KCTD12: variants seen among roughly 807,000 people sequenced by gnomAD.
KCTD12 encodes BTB/POZ domain-containing protein KCTD12.
In KCTD12, 16 loss-of-function variants were observed where a neutral mutation model predicts 22.6. The ratio of observed to expected loss-of-function variants is 0.71; its 90% CI spans 0.48 to 1.07. The LOEUF is 1.07. Ranked by LOEUF, KCTD12 falls within the 50% of genes least tolerant of loss-of-function variation. The probability of loss-of-function intolerance (pLI) is 0.00; values close to 1 mark genes in which losing one functional copy is unlikely to be tolerated. For missense variants in KCTD12, 452 were observed against 469.2 expected (o/e 0.96, Z 0.34); for synonymous variants, 260 against 228.0 (o/e 1.14, Z -1.26).
Position 76,883,387 on chromosome 13 carries a change from G to A in KCTD12, c.*1784C>T, listed in dbSNP as rs2137701438. 1 of 152,714 alleles carries A rather than the reference G, an allele frequency of 6.5e-6. No homozygotes were observed. Among genetic ancestry groups the A allele is most frequent in the East Asian group, 1.9e-4 (1 of 5,186 alleles). The allele number at this position is 152,714 out of a possible 1,614,324, so 9.5% of individuals were successfully genotyped here. On this transcript the variant is annotated 3_prime_UTR_variant, in exon 1 of 1. Coordinates refer to ENST00000377474, the MANE Select transcript of KCTD12 (RefSeq NM_138444.4). Reference sequence around the variant, plus strand: ...AAGATGCTGAAAACAAAACAAAATAGGCTTCTCTGTCATCACAGAATATCC... The same window carrying A: ...AAGATGCTGAAAACAAAACAAAATAAGCTTCTCTGTCATCACAGAATATCC...
In KCTD12 at chr13:76,885,179, T is replaced by G. The variant is rs764990355; in HGVS notation, c.970A>C (p.Arg324=). The G allele has an allele frequency of 1.7e-5, 28 of 1,612,398 alleles. 1 individual carries two copies. In the Admixed American group the frequency reaches 4.0e-4, roughly 23 times the overall value. The change falls in exon 1 of 1, where the codon AGG becomes CGG. Residue 324 remains arginine, a synonymous_variant. Transcript: ENST00000377474. The surrounding 1 kb of genome is among the most constrained non-coding windows in gnomAD (Gnocchi z 5.1). ...WTSYTEYVFC[R]E Reference sequence around the variant, plus strand: ...GAGGGGGTCTGGGGAGCTCACTCCCTGCAGAAGACGTACTCGGTGTAGCTG... The same window carrying G: ...GAGGGGGTCTGGGGAGCTCACTCCCGGCAGAAGACGTACTCGGTGTAGCTG...
At position 76,881,232 on chromosome 13, in the gene KCTD12, TCA is replaced by T. The variant is rs1215138695; in HGVS notation, c.*3937_*3938del. The T allele has an allele frequency of 6.6e-6, 1 of 152,162 alleles. No homozygotes were observed. Among genetic ancestry groups the T allele is most frequent in the Non-Finnish European group, 1.5e-5 (1 of 68,000 alleles). 9.4% of individuals were successfully genotyped at this position (152,162 alleles called of 1,614,324 possible). Reference sequence around the variant, plus strand: ...TCTGATAGGCTTACAACAAAAATATTCAGTTTACTATTTTAAAAACTAAATTG... The same window carrying T: ...TCTGATAGGCTTACAACAAAAATATTGTTTACTATTTTAAAAACTAAATTG... On this transcript the variant is annotated 3_prime_UTR_variant, in exon 1 of 1. Transcript: ENST00000377474.
In KCTD12 at chr13:76,882,314, AAAG is replaced by A. The variant is rs912757141; in HGVS notation, c.*2854_*2856del. 1.3e-5 allele frequency: 2 copies of A among 152,090 alleles called. No homozygotes were observed. The highest frequency in any genetic ancestry group is 2.4e-5 in the African/African-American group (1 of 41,326). 9.4% of individuals were successfully genotyped at this position (152,090 alleles called of 1,614,324 possible). A position where few individuals can be genotyped will look rare whatever the true frequency, so the allele number is the denominator to read the frequency against. ...TTAGAGGGGACAGTCGTCCCTGGAA[AAAG>A]AAGTAGATTTACTGTCCCTAACCAT... On this transcript the variant is annotated 3_prime_UTR_variant, in exon 1 of 1. Coordinates refer to ENST00000377474, the MANE Select transcript of KCTD12 (RefSeq NM_138444.4).
rs1177198443 is a variant in KCTD12, at chr13:76,881,292, A to G, written c.*3879T>C. On this transcript the variant is annotated 3_prime_UTR_variant, in exon 1 of 1. Transcript: ENST00000377474. ...TATTTGTGATTTAGACTATAAAATAAATTCTCAAGGAATTCAACCCCTCCA... is the reference window on the plus strand; with the variant it reads ...TATTTGTGATTTAGACTATAAAATAGATTCTCAAGGAATTCAACCCCTCCA... The G allele has an allele frequency of 6.6e-6, 1 of 152,426 alleles. No homozygotes were observed. The highest frequency in any genetic ancestry group is 1.5e-5 in the Non-Finnish European group (1 of 67,972). The allele number at this position is 152,426 out of a possible 1,614,324, so 9.4% of individuals were successfully genotyped here. A position where few individuals can be genotyped will look rare whatever the true frequency, so the allele number is the denominator to read the frequency against.
chr13:76,882,750 AC>A lies in KCTD12; in HGVS notation c.*2420del, dbSNP rs2033217748. ...ATTCTGATGCATTACTTAGTCTGAG[AC>A]CAAACTCAACATACAAGCAAGCACA... is the stretch of plus-strand genomic sequence containing the variant. On this transcript the variant is annotated 3_prime_UTR_variant, in exon 1 of 1. Transcript: ENST00000377474. The A allele has an allele frequency of 1.4e-5, 2 of 146,394 alleles. No individual in the cohort carries two copies. Among genetic ancestry groups the A allele is most frequent in the African/African-American group, 5.4e-5 (2 of 36,958 alleles). The allele number at this position is 146,394 out of a possible 1,614,324, so 9.1% of individuals were successfully genotyped here. A position where few individuals can be genotyped will look rare whatever the true frequency, so the allele number is the denominator to read the frequency against.
Position 76,886,157 on chromosome 13 carries a change from G to T in KCTD12, c.-9C>A. On this transcript the variant is annotated 5_prime_UTR_variant, in exon 1 of 1. Transcript: ENST00000377474. ...CTGTCCGCCAGAGCCATGACAGAGA[G>T]GTGGCCGGGCCGGGACAGTGGCAGG... 1 of 1,486,520 alleles carries T rather than the reference G, an allele frequency of 6.7e-7. No homozygotes were observed. The allele number at this position is 1,486,520 out of a possible 1,614,324, so 92.1% of individuals were successfully genotyped here. A position where few individuals can be genotyped will look rare whatever the true frequency, so the allele number is the denominator to read the frequency against.
chr13:76,881,584 C>A lies in KCTD12; in HGVS notation c.*3587G>T, dbSNP rs2033203329. On this transcript the variant is annotated 3_prime_UTR_variant, in exon 1 of 1. Coordinates refer to ENST00000377474, the MANE Select transcript of KCTD12 (RefSeq NM_138444.4). ...AGAGAAGCAGTAGGTCCCATATATA[C>A]AGACATATATATGGCTCTGGTTTGA... 6.6e-6 allele frequency: 1 copy of A among 152,472 alleles called. No individual in the cohort carries two copies. The highest frequency in any genetic ancestry group is 1.5e-5 in the Non-Finnish European group (1 of 67,986). The allele number at this position is 152,472 out of a possible 1,614,324, so 9.4% of individuals were successfully genotyped here. A position where few individuals can be genotyped will look rare whatever the true frequency, so the allele number is the denominator to read the frequency against.
rs761828476 is a variant in KCTD12, at chr13:76,885,438, G to C, written c.711C>G (p.Thr237=). The part of the protein sequence containing the change: ...DAKFRRVARI[T]VCGKTSLAKE... ...TGGCCAGCGACGTCTTTCCGCAAAC[G>C]GTGATGCGCGCCACTCGCCGGAACT... The change falls in exon 1 of 1, where the codon ACC becomes ACG. Residue 237 remains threonine (T), a synonymous_variant. Transcript: ENST00000377474. The surrounding 1 kb of genome is among the most constrained non-coding windows in gnomAD (Gnocchi z 5.1). The C allele has an allele frequency of 1.2e-6, 2 of 1,612,220 alleles. No individual in the cohort carries two copies. Among genetic ancestry groups the C allele is most frequent in the Non-Finnish European group, 1.7e-6 (2 of 1,180,006 alleles).
Position 76,885,398 on chromosome 13 carries a change from C to G in KCTD12, c.751G>C (p.Asp251His). ...KTSLAKEVFGDTLNESRDPDR... is the reference protein window; with the variant it reads ...KTSLAKEVFGHTLNESRDPDR... Reference sequence around the variant, plus strand: ...GGGTCCCGGCTTTCGTTCAGGGTGTCCCCAAACACCTCCTTGGCCAGCGAC... The same window carrying G: ...GGGTCCCGGCTTTCGTTCAGGGTGTGCCCAAACACCTCCTTGGCCAGCGAC... Residue 251 changes from aspartate (D) to histidine (H), a missense_variant, in exon 1 of 1, where the codon GAC becomes CAC. Physicochemically the swap from Asp to His is moderately conservative, Grantham distance 81. Around this residue, in one of 2 missense-constraint regions of KCTD12, gnomAD observed 122 missense variants for 172.8 expected, o/e 0.71. Transcript: ENST00000377474. This position sits in a 1 kb window ranked among gnomAD's most constrained non-coding sequence, Gnocchi z 5.1. The G allele has an allele frequency of 2.5e-6, 4 of 1,613,706 alleles. No individual in the cohort carries two copies. Among genetic ancestry groups the G allele is most frequent in the Non-Finnish European group, 3.4e-6 (4 of 1,180,026 alleles).
In KCTD12 at chr13:76,883,464, T is replaced by G. The variant is rs529854695; in HGVS notation, c.*1707A>C. The stretch of plus-strand genomic sequence containing the variant: ...GACGAGGTTTATTTCCCTTCACTTA[T>G]GGTTTACATAGGATATGCATTGGGA... On this transcript the variant is annotated 3_prime_UTR_variant, in exon 1 of 1. Transcript: ENST00000377474. 7 of 152,664 alleles carry G rather than the reference T, an allele frequency of 4.6e-5. No homozygotes were observed. The highest frequency in any genetic ancestry group is 1.7e-4 in the African/African-American group (7 of 41,470). The allele number at this position is 152,664 out of a possible 1,614,324, so 9.5% of individuals were successfully genotyped here. A position where few individuals can be genotyped will look rare whatever the true frequency, so the allele number is the denominator to read the frequency against.
chr13:76,880,694 GAATT>G lies in KCTD12; in HGVS notation c.*4473_*4476del, dbSNP rs1254535701. ...TAACGCTGTTTGAGTGGTCATAAAT[GAATT>G]GTCATTTGTATTCAATAGTAATAGC... On this transcript the variant is annotated 3_prime_UTR_variant, in exon 1 of 1. Transcript: ENST00000377474. 2 of 152,532 alleles carry G rather than the reference GAATT, an allele frequency of 1.3e-5. No individual in the cohort carries two copies. Among genetic ancestry groups the G allele is most frequent in the South Asian group, 2.1e-4 (1 of 4,818 alleles). 9.4% of individuals were successfully genotyped at this position (152,532 alleles called of 1,614,324 possible).
rs923211754 is a variant in KCTD12, at chr13:76,883,318, C to T, written c.*1853G>A. On this transcript the variant is annotated 3_prime_UTR_variant, in exon 1 of 1. Coordinates refer to ENST00000377474, the MANE Select transcript of KCTD12 (RefSeq NM_138444.4). ...AGGAAAAATAGCACTAATTTAAACA[C>T]TGAAAACAGCTCTTACAAAATCCTT... 6.6e-6 allele frequency: 1 copy of T among 152,394 alleles called. No homozygotes were observed. Among genetic ancestry groups the T allele is most frequent in the African/African-American group, 2.4e-5 (1 of 41,566 alleles). 9.4% of individuals were successfully genotyped at this position (152,394 alleles called of 1,614,324 possible).
At position 76,881,962 on chromosome 13, in the gene KCTD12, G is replaced by A. The variant is rs907842949; in HGVS notation, c.*3209C>T. The A allele has an allele frequency of 1.3e-5, 2 of 151,912 alleles. No homozygotes were observed. Among genetic ancestry groups the A allele is most frequent in the African/African-American group, 2.4e-5 (1 of 41,332 alleles). 9.4% of individuals were successfully genotyped at this position (151,912 alleles called of 1,614,324 possible). ...GGTAATTAGGGCAACATATGTAAAT[G>A]CATGCCTCTGAATCAGATTCATGCA... On this transcript the variant is annotated 3_prime_UTR_variant, in exon 1 of 1. Coordinates refer to ENST00000377474, the MANE Select transcript of KCTD12 (RefSeq NM_138444.4).
In KCTD12 at chr13:76,880,372, A is replaced by T. The variant is rs2033189768; in HGVS notation, c.*4799T>A. 6.6e-6 allele frequency: 1 copy of T among 152,546 alleles called. No individual in the cohort carries two copies. The highest frequency in any genetic ancestry group is 2.4e-5 in the African/African-American group (1 of 41,462). The allele number at this position is 152,546 out of a possible 1,614,324, so 9.4% of individuals were successfully genotyped here. On this transcript the variant is annotated 3_prime_UTR_variant, in exon 1 of 1. Coordinates refer to ENST00000377474, the MANE Select transcript of KCTD12 (RefSeq NM_138444.4). Reference sequence around the variant, plus strand: ...AATTCTCAAAGTTTGGGCATGTCTGAAAAGACTTTGACTGCATCTTTTTTC... The same window carrying T: ...AATTCTCAAAGTTTGGGCATGTCTGTAAAGACTTTGACTGCATCTTTTTTC...
Position 76,883,651 on chromosome 13 carries a change from C to T in KCTD12, c.*1520G>A, listed in dbSNP as rs1282736661. On this transcript the variant is annotated 3_prime_UTR_variant, in exon 1 of 1. Coordinates refer to ENST00000377474, the MANE Select transcript of KCTD12 (RefSeq NM_138444.4). Reference sequence around the variant, plus strand: ...TTTACAGCTATCTACAGATAGGCAGCCCTTGGTGCTGAGTTCTCTGCAGCT... The same window carrying T: ...TTTACAGCTATCTACAGATAGGCAGTCCTTGGTGCTGAGTTCTCTGCAGCT... 1 of 152,640 alleles carries T rather than the reference C, an allele frequency of 6.6e-6. No homozygotes were observed. The highest frequency in any genetic ancestry group is 1.5e-5 in the Non-Finnish European group (1 of 68,050). The allele number at this position is 152,640 out of a possible 1,614,324, so 9.5% of individuals were successfully genotyped here.
Position 76,885,196 on chromosome 13 carries a change from G to A in KCTD12, c.953C>T (p.Thr318Ile). Residue 318 changes from threonine (T) to isoleucine (I), a missense_variant, in exon 1 of 1, where the codon ACC becomes ATC. Thr to Ile is a moderately conservative substitution (Grantham distance 89, BLOSUM62 -1). Transcript: ENST00000377474. The surrounding 1 kb of genome is among the most constrained non-coding windows in gnomAD (Gnocchi z 5.1). ...TCACTCCCTGCAGAAGACGTACTCG[G>A]TGTAGCTGGTCCAGATCTTGTCCTC... is the stretch of plus-strand genomic sequence containing the variant. Reference protein sequence around the residue: ...QSEDKIWTSYTEYVFCRE With the variant: ...QSEDKIWTSYIEYVFCRE The A allele has an allele frequency of 6.2e-7, 1 of 1,613,998 alleles. No individual in the cohort carries two copies. Among genetic ancestry groups the A allele is most frequent in the Non-Finnish European group, 8.5e-7 (1 of 1,179,970 alleles).
At position 76,884,777 on chromosome 13, in the gene KCTD12, T is replaced by G; in HGVS notation, c.*394A>C. 4 of 188,784 alleles carry G rather than the reference T, an allele frequency of 2.1e-5. No homozygotes were observed. The highest frequency in any genetic ancestry group is 4.4e-5 in the Non-Finnish European group (4 of 89,970). The allele number at this position is 188,784 out of a possible 1,614,324, so 11.7% of individuals were successfully genotyped here. A position where few individuals can be genotyped will look rare whatever the true frequency, so the allele number is the denominator to read the frequency against. On this transcript the variant is annotated 3_prime_UTR_variant, in exon 1 of 1. Transcript: ENST00000377474. ...AGATTTCAAGGAAATCTTCCGCACATTGGACACGGTCCAATCAGGTTCTGA... is the reference window on the plus strand; with the variant it reads ...AGATTTCAAGGAAATCTTCCGCACAGTGGACACGGTCCAATCAGGTTCTGA...
rs2137699427 is a variant in KCTD12, at chr13:76,881,036, A to T, written c.*4135T>A. The T allele has an allele frequency of 6.6e-6, 1 of 152,280 alleles. No homozygotes were observed. Among genetic ancestry groups the T allele is most frequent in the African/African-American group, 2.4e-5 (1 of 41,578 alleles). The allele number at this position is 152,280 out of a possible 1,614,324, so 9.4% of individuals were successfully genotyped here. A position where few individuals can be genotyped will look rare whatever the true frequency, so the allele number is the denominator to read the frequency against. On this transcript the variant is annotated 3_prime_UTR_variant, in exon 1 of 1. Transcript: ENST00000377474. The stretch of plus-strand genomic sequence containing the variant: ...ACAAAGAAAAGCTAACTTCAACATA[A>T]CTTGTTTCTGGCTATACAAAGACCT...
At position 76,882,742 on chromosome 13, in the gene KCTD12, A is replaced by G. The variant is rs1166804828; in HGVS notation, c.*2429T>C. The G allele has an allele frequency of 6.8e-6, 1 of 147,014 alleles. No individual in the cohort carries two copies. The highest frequency in any genetic ancestry group is 2.7e-5 in the African/African-American group (1 of 37,366). The allele number at this position is 147,014 out of a possible 1,614,324, so 9.1% of individuals were successfully genotyped here. On this transcript the variant is annotated 3_prime_UTR_variant, in exon 1 of 1. Coordinates refer to ENST00000377474, the MANE Select transcript of KCTD12 (RefSeq NM_138444.4). Reference sequence around the variant, plus strand: ...ACAGATGAATTCTGATGCATTACTTAGTCTGAGACCAAACTCAACATACAA... The same window carrying G: ...ACAGATGAATTCTGATGCATTACTTGGTCTGAGACCAAACTCAACATACAA...
Sources: gnomAD v4.1 joint callset for allele counts on GRCh38, gnomAD v4.1.1 for gene constraint, gnomAD v4.1.1 regional missense constraint, Gnocchi (gnomAD v3.1) non-coding constraint, MANE v1.5 for transcripts, NCBI Gene and HGNC (gene_info 2026-07-23, HGNC 2026-07-21) for gene names.